KDSR: variants seen among roughly 807,000 people sequenced by gnomAD.
KDSR encodes the protein 3-ketodihydrosphingosine reductase.
KDSR carries 23 observed loss-of-function variants against 41.3 expected under a neutral mutation model. The observed-to-expected ratio is 0.56, with a 90% CI of 0.40 to 0.79. The LOEUF (loss-of-function observed/expected upper bound fraction) is 0.79. KDSR is among the 30% of genes least tolerant of loss of function. The pLI is 0.00. For synonymous variants in KDSR, 138 were observed against 151.7 expected (o/e 0.91, Z 0.66); for missense variants, 351 against 416.8 (o/e 0.84, Z 1.37).
chr18:63,337,738 C>A (rs1372906208), intron 8 of KDSR, among the ~76,000 whole-genome samples: 1 of 152,116 alleles, frequency 6.6e-6, no homozygotes, highest in African/African-American at 2.4e-5. Flanking sequence ...ACCAGCCTGG[C>A]CAACATGGTG....
At chr18:63,337,983 G>T (rs1045331571) in intron 8 of KDSR, among the ~76,000 whole-genome samples, 1 of 152,222 alleles carries the variant, frequency 6.6e-6, no homozygotes, top group African/African-American at 2.4e-5. Context: ...AAATGCATTT[G>T]CTTTGACCCG....
intron 1 of KDSR, among the ~76,000 whole-genome samples, chr18:63,364,520 T>C (rs997274712): frequency 5.9e-5 from 9 of 152,054 alleles, no homozygotes; most frequent in Admixed American, 5.9e-4. Flanking sequence ...CTCAGCTCAC[T>C]GCAACCTCCG....
At chr18:63,336,983 T>C (rs1220221407) in intron 8 of KDSR, among the ~76,000 whole-genome samples, 1 of 151,880 alleles carries the variant, frequency 6.6e-6, no homozygotes, top group Non-Finnish European at 1.5e-5. Context: ...CTGGTGAAAA[T>C]GTGAACCAAT....
chr18:63,361,824 G>A (rs1391786412), intron 2 of KDSR, among the ~76,000 whole-genome samples: 2 of 151,896 alleles, frequency 1.3e-5, no homozygotes, highest in African/African-American at 4.8e-5. Flanking sequence ...CAAGAAAAAA[G>A]AAAAAAATAA....
chr18:63,332,153 A>G (rs572363074), intron 9 of KDSR, among the ~76,000 whole-genome samples: 6 of 152,338 alleles, frequency 3.9e-5, no homozygotes, highest in African/African-American at 1.2e-4. Context: ...TAAAATATAT[A>G]TTGCTTGCAG....
At chr18:63,349,451 C>G (rs1186205489) in intron 6 of KDSR, among the ~76,000 whole-genome samples, 1 of 152,152 alleles carries the variant, frequency 6.6e-6, no homozygotes, top group African/African-American at 2.4e-5. Flanking sequence ...AAGTTAAAAA[C>G]TTCAAAAGAA....
intron 3 of KDSR, 31 bp downstream of exon 3, chr18:63,359,705 C>G: frequency 6.9e-7 from 1 of 1,446,598 alleles, no homozygotes; most frequent in East Asian, 2.3e-5. Flanking sequence ...CTGAGTTATA[C>G]AGAAAATGCA....
intron 6 of KDSR, chr18:63,345,879 T>C (rs575651860): frequency 6.6e-6 from 1 of 151,444 alleles, no homozygotes; most frequent in South Asian, 2.1e-4. Context: ...GAGGCGGAAG[T>C]TGCAGTGAGT....
rs79558815 is a variant in KDSR, at chr18:63,331,077, A to C, written c.*705T>G. On this transcript the variant is annotated 3_prime_UTR_variant, in exon 10 of 10. Coordinates refer to ENST00000645214, the MANE Select transcript of KDSR (RefSeq NM_002035.4). ...AGCATTGCTTTTCCTACTGGAAAAT[A>C]TCTCTTTACTTCCCATTGCACTGCC... 0.022 allele frequency: 5,179 copies of C among 233,014 alleles called. 262 individuals are homozygous for C. Among genetic ancestry groups the C allele is most frequent in the African/African-American group, 0.11 (4,854 of 45,388 alleles). 14.4% of individuals were successfully genotyped at this position (233,014 alleles called of 1,614,324 possible).
intron 1 of KDSR, among the ~76,000 whole-genome samples, chr18:63,365,194 G>A (rs1915099658): frequency 6.6e-6 from 1 of 152,262 alleles, no homozygotes; most frequent in Non-Finnish European, 1.5e-5. Context: ...AGCACTTTCG[G>A]AGGCTGAGGT....
In KDSR at chr18:63,327,800, T is replaced by C. The variant is rs1913849574; in HGVS notation, c.*3982A>G. 1 of 189,954 alleles carries C rather than the reference T, an allele frequency of 5.3e-6. No individual in the cohort carries two copies. The highest frequency in any genetic ancestry group is 2.3e-5 in the African/African-American group (1 of 42,940). 11.8% of individuals were successfully genotyped at this position (189,954 alleles called of 1,614,324 possible). On this transcript the variant is annotated 3_prime_UTR_variant, in exon 10 of 10. Transcript: ENST00000645214. ...AGAAATACAAGGTATGAAAATTAGA[T>C]TACAATTCTGCCACAAAAGCTTCTA...
At chr18:63,361,554 C>T (rs908686617) in intron 2 of KDSR, among the ~76,000 whole-genome samples, 1 of 152,134 alleles carries the variant, frequency 6.6e-6, no homozygotes, top group East Asian at 1.9e-4. Flanking sequence ...TGGTGGCTCA[C>T]ACCTGTAATC....
At chr18:63,359,936 C>T (rs1047332251) in intron 2 of KDSR, 144 bp from the exon 3 acceptor site, 2 of 646,972 alleles carry the variant, frequency 3.1e-6, no homozygotes, top group African/African-American at 3.6e-5. Context: ...ATTGCATAGA[C>T]AGACTGGGCC....
chr18:63,366,425 C>G (rs1468385873), intron 1 of KDSR: 1 of 152,690 alleles, frequency 6.5e-6, no homozygotes, highest in African/African-American at 2.4e-5. Context: ...CCACCGCCAG[C>G]CCGCTGGGTT....
chr18:63,340,126 C>T (rs1057005399), intron 7 of KDSR, among the ~76,000 whole-genome samples: 3 of 152,200 alleles, frequency 2.0e-5, no homozygotes, highest in Non-Finnish European at 4.4e-5. Context: ...TTACCCCCAA[C>T]AAGTCTGCCC....
intron 7 of KDSR, among the ~76,000 whole-genome samples, chr18:63,341,783 ACAGAAATTCTGGAAGCTG>A (rs1036379664): frequency 2.0e-5 from 3 of 152,212 alleles, no homozygotes; most frequent in Non-Finnish European, 2.9e-5. Context: ...ACTGGATTCC[ACAGAAATTCTGGAAGCTG>A]GAAATCAATA....
At chr18:63,359,431 T>C (rs1914900606) in intron 3 of KDSR, 1 of 252,594 alleles carries the variant, frequency 4.0e-6, no homozygotes, top group South Asian at 8.6e-5. Flanking sequence ...ACCAAATAAA[T>C]TTTAAATATT....
intron 7 of KDSR, among the ~76,000 whole-genome samples, chr18:63,342,095 G>T (rs1914355666): frequency 6.7e-6 from 1 of 149,924 alleles, no homozygotes; most frequent in African/African-American, 2.5e-5. Flanking sequence ...CTTGAACCCA[G>T]GAGGCAGAGG....
chr18:63,330,799 CT>C lies in KDSR; in HGVS notation c.*982del, dbSNP rs201719061. ...AGTCAAGTCGAAAATTTTAGCTGGT[CT>C]TTTTTTTCCTTTTTTTTTTTTTTTA... On this transcript the variant is annotated 3_prime_UTR_variant, in exon 10 of 10. Coordinates refer to ENST00000645214, the MANE Select transcript of KDSR (RefSeq NM_002035.4). 2.3e-5 allele frequency: 5 copies of C among 216,966 alleles called. No individual in the cohort carries two copies. Among genetic ancestry groups the C allele is most frequent in the Non-Finnish European group, 4.5e-5 (5 of 110,894 alleles). The allele number at this position is 216,966 out of a possible 1,614,324, so 13.4% of individuals were successfully genotyped here.
Sources: allele counts gnomAD v4.1 joint callset (sites outside exome capture counted in the v4.1 genomes callset), GRCh38; gene constraint gnomAD v4.1.1; transcripts MANE v1.5; gene names NCBI Gene and HGNC (gene_info 2026-07-23, HGNC 2026-07-21).